Variants in LHFPL6 observed in about 807,000 individuals in gnomAD.
LHFPL6 encodes the protein LHFPL tetraspan subfamily member 6 protein.
A neutral mutation model predicts 20.6 loss-of-function variants in LHFPL6; 9 were observed. The observed-to-expected ratio is 0.44, with a 90% CI of 0.26 to 0.76. LHFPL6 has a LOEUF of 0.76. Ranked by LOEUF, LHFPL6 falls within the 30% of genes least tolerant of loss-of-function variation. LHFPL6 has a pLI of 0.20. For synonymous variants in LHFPL6, 105 were observed against 98.7 expected (o/e 1.06, Z -0.38); for missense variants, 218 against 253.5 (o/e 0.86, Z 0.95).
chr13:39,353,067 C>T (rs2138338834), intron 3 of LHFPL6, among the ~76,000 whole-genome samples: 1 of 147,794 alleles, frequency 6.8e-6, no homozygotes, highest in Admixed American at 6.8e-5. Context: ...GCAACCTCTG[C>T]TTCCTCCCAG....
intron 2 of LHFPL6, among the ~76,000 whole-genome samples, chr13:39,378,915 C>G (rs1870366087): frequency 6.6e-6 from 1 of 152,260 alleles, no homozygotes; most frequent in South Asian, 2.1e-4. Context: ...TTCTTATTCA[C>G]TAGATTTTTG....
intron 2 of LHFPL6, among the ~76,000 whole-genome samples, chr13:39,553,790 A>C (rs2138514015): frequency 6.6e-6 from 1 of 152,336 alleles, no homozygotes; most frequent in Non-Finnish European, 1.5e-5. Flanking sequence ...AACTTTACCT[A>C]GCCTGCTGGA....
At chr13:39,583,329 T>G (rs1009742765) in intron 2 of LHFPL6, among the ~76,000 whole-genome samples, 1 of 152,032 alleles carries the variant, frequency 6.6e-6, no homozygotes, top group African/African-American at 2.4e-5. Flanking sequence ...CATGCCACCA[T>G]GCCTGGATAA....
In LHFPL6 at chr13:39,581,249, T is replaced by C. The variant is rs557294099; in HGVS notation, c.385+19583A>G. 6.6e-5 allele frequency among the ~76,000 whole-genome samples: 10 copies of C among 152,322 alleles called. No homozygotes were observed. The South Asian group carries it at 1.7e-3, about 25-fold the overall frequency. On this transcript the variant is annotated intron_variant, in intron 2 of 3. Coordinates refer to ENST00000379589, the MANE Select transcript of LHFPL6 (RefSeq NM_005780.3). ...AGTTCCAGATCTGCCTCATCTGGACTGCAAGATTATTATGGTAAAACCACT... is the reference window on the plus strand; with the variant it reads ...AGTTCCAGATCTGCCTCATCTGGACCGCAAGATTATTATGGTAAAACCACT...
chr13:39,529,055 A>G (rs1039504023), intron 2 of LHFPL6, among the ~76,000 whole-genome samples: 1 of 152,112 alleles, frequency 6.6e-6, no homozygotes, highest in African/African-American at 2.4e-5. Context: ...CTGCCAAAAA[A>G]TAATGTACAA....
chr13:39,449,936 C>T (rs1438157708), intron 2 of LHFPL6, among the ~76,000 whole-genome samples: 2 of 152,126 alleles, frequency 1.3e-5, no homozygotes, highest in Non-Finnish European at 2.9e-5. Flanking sequence ...TATAACATCT[C>T]CTTTATCCAC....
chr13:39,571,859 C>A (rs138209408), intron 2 of LHFPL6, among the ~76,000 whole-genome samples: 286 of 152,356 alleles, frequency 1.9e-3, no homozygotes, highest in African/African-American at 6.5e-3. Flanking sequence ...GCCACGGGCC[C>A]TGCATGGAGC....
intron 2 of LHFPL6, among the ~76,000 whole-genome samples, chr13:39,412,810 C>A (rs561913372): frequency 6.6e-6 from 1 of 152,022 alleles, no homozygotes; most frequent in Admixed American, 6.5e-5. Flanking sequence ...GTAATCCCAG[C>A]TACTCGGGAG....
chr13:39,388,978 G>C (rs1035469674), intron 2 of LHFPL6, among the ~76,000 whole-genome samples: 1 of 152,196 alleles, frequency 6.6e-6, no homozygotes, highest in Non-Finnish European at 1.5e-5. Context: ...TCCTCTCAGG[G>C]ATTCTGGGTG....
intron 2 of LHFPL6, among the ~76,000 whole-genome samples, chr13:39,526,651 C>T (rs930053641): frequency 1.3e-5 from 2 of 152,174 alleles, no homozygotes; most frequent in African/African-American, 2.4e-5. Flanking sequence ...TGATTCCACA[C>T]GACAAGGTTA....
chr13:39,532,561 T>C (rs1276159765), intron 2 of LHFPL6, among the ~76,000 whole-genome samples: 4 of 152,182 alleles, frequency 2.6e-5, no homozygotes, highest in Non-Finnish European at 5.9e-5. Context: ...ATATATCCCA[T>C]GGGACCAAAT....
intron 2 of LHFPL6, among the ~76,000 whole-genome samples, chr13:39,426,421 T>C (rs1871639759): frequency 6.6e-6 from 1 of 152,126 alleles, no homozygotes; most frequent in Admixed American, 6.6e-5. Flanking sequence ...GGTTTCTTCA[T>C]GTTGGTCAGG....
chr13:39,485,599 G>A (rs753676438), intron 2 of LHFPL6, among the ~76,000 whole-genome samples: 1 of 152,148 alleles, frequency 6.6e-6, no homozygotes, highest in Non-Finnish European at 1.5e-5. Context: ...TTCTACCTTG[G>A]AATTTCAATT....
At chr13:39,446,111 G>A (rs901179285) in intron 2 of LHFPL6, among the ~76,000 whole-genome samples, 1 of 152,152 alleles carries the variant, frequency 6.6e-6, no homozygotes, top group Non-Finnish European at 1.5e-5. Flanking sequence ...TACAAATGAG[G>A]AAATGAGCAT....
At chr13:39,399,434 GA>G (rs1870927597) in intron 2 of LHFPL6, among the ~76,000 whole-genome samples, 1 of 152,192 alleles carries the variant, frequency 6.6e-6, no homozygotes, top group East Asian at 1.9e-4. Context: ...ATTAGAGGAG[GA>G]AAATGATAAG....
intron 2 of LHFPL6, among the ~76,000 whole-genome samples, chr13:39,528,060 G>A (rs1174773224): frequency 2.6e-5 from 4 of 152,038 alleles, no homozygotes; most frequent in Admixed American, 6.5e-5. Context: ...ATCTCCTTCC[G>A]CTTCATATGA....
chr13:39,367,843 A>G (rs954481283), intron 3 of LHFPL6, among the ~76,000 whole-genome samples: 2 of 152,332 alleles, frequency 1.3e-5, no homozygotes. Context: ...ATCAGTCTGA[A>G]GATCAAAGGT....
At chr13:39,600,391 G>A (rs1291875338) in intron 2 of LHFPL6, among the ~76,000 whole-genome samples, 1 of 152,190 alleles carries the variant, frequency 6.6e-6, no homozygotes, top group Non-Finnish European at 1.5e-5. Flanking sequence ...CCACCAAAGT[G>A]TATTAGAGGT....
intron 2 of LHFPL6, among the ~76,000 whole-genome samples, chr13:39,573,921 T>C (rs977143947): frequency 6.6e-6 from 1 of 152,216 alleles, no homozygotes; most frequent in Non-Finnish European, 1.5e-5. Flanking sequence ...ATCGCCAGGT[T>C]TACATACGGG....
Sources: allele counts gnomAD v4.1 joint callset (sites outside exome capture counted in the v4.1 genomes callset), GRCh38; gene constraint gnomAD v4.1.1; transcripts MANE v1.5; gene names NCBI Gene and HGNC (gene_info 2026-07-23, HGNC 2026-07-21).